The following PRRC2B variants were observed in gnomAD, a reference collection of about 807,000 sequenced individuals.
PRRC2B encodes the protein protein PRRC2B.
Under a neutral mutation model 242.3 loss-of-function variants are expected in PRRC2B, and 68 were observed. That is an observed-to-expected ratio of 0.28 (90% CI 0.23 to 0.34). The LOEUF is 0.34. Among genes scored for constraint, PRRC2B ranks in the 10% least tolerant of loss-of-function variants. The pLI, the probability that PRRC2B is intolerant of heterozygous loss-of-function variation, is 1.00. For synonymous variants in PRRC2B, 1,228 were observed against 1,173.6 expected (o/e 1.05, Z -0.95); for missense variants, 2,835 against 2,954.8 (o/e 0.96, Z 0.94).
intron 19 of PRRC2B, among the ~76,000 whole-genome samples, 160 bp downstream of exon 19, chr9:131,479,553 C>T (rs1231191325): frequency 1.3e-5 from 2 of 152,204 alleles, no homozygotes; most frequent in African/African-American, 2.4e-5. Flanking sequence ...CGCTGAATGC[C>T]GTCTGAGTGA....
At chr9:131,394,361 C>A (rs1177834670) in intron 1 of PRRC2B, 98 bp downstream of exon 1, 1 of 145,874 alleles carries the variant, frequency 6.9e-6, no homozygotes, top group African/African-American at 2.5e-5. Flanking sequence ...CGGCCGCCGC[C>A]GGGGGCCCGG....
rs755818865 is a variant in PRRC2B, at chr9:131,475,164, C to T, written c.3035C>T (p.Thr1012Ile). ...GAGGACAAAGGCCCTGGCCATGCCA[C>T]TTTTGGCCGCGAGGCCACCAAATTT... ...TLEDKGPGHATFGREATKFEE... is the reference protein window; with the variant it reads ...TLEDKGPGHAIFGREATKFEE... Residue 1012 changes from threonine (T) to isoleucine (I), a missense_variant, in exon 16 of 32, where the codon ACT becomes ATT. Coordinates refer to ENST00000683519, the MANE Select transcript of PRRC2B (RefSeq NM_013318.4). 6.4e-5 allele frequency: 104 copies of T among 1,613,222 alleles called. No individual in the cohort carries two copies. Among genetic ancestry groups the T allele is most frequent in the Non-Finnish European group, 8.5e-5 (100 of 1,179,658 alleles).
At chr9:131,394,324 C>T in intron 1 of PRRC2B, 61 bp downstream of exon 1, 1 of 146,396 alleles carries the variant, frequency 6.8e-6, no homozygotes, top group South Asian at 1.9e-4. Context: ...ATGGAGGCGG[C>T]GCGGCCCGGC....
intron 1 of PRRC2B, among the ~76,000 whole-genome samples, chr9:131,411,547 T>C (rs1282574794): frequency 6.6e-6 from 1 of 151,712 alleles, no homozygotes; most frequent in Non-Finnish European, 1.5e-5. Context: ...AGGGTTTCAC[T>C]GTGTTCAGGA....
intron 23 of PRRC2B, 110 bp from the exon 24 acceptor site, chr9:131,484,576 A>T: frequency 1.2e-6 from 1 of 834,860 alleles, no homozygotes; most frequent in Non-Finnish European, 1.9e-6. Context: ...GGCAAGTCAT[A>T]GATACATTTG....
In PRRC2B at chr9:131,465,048, C is replaced by T. The variant is rs751317434; in HGVS notation, c.1690C>T (p.Pro564Ser). 3.1e-6 allele frequency: 5 copies of T among 1,613,588 alleles called. No homozygotes were observed. The highest frequency in any genetic ancestry group is 4.2e-6 in the Non-Finnish European group (5 of 1,179,724). The stretch of plus-strand genomic sequence containing the variant: ...GTCTCCAAGTGCTGAGAAGGCATCT[C>T]CCCAGGAAAACGGCCCTGCTGTCCA... ...PWSPSAEKAS[P>S]QENGPAVHKG... The change falls in exon 12 of 32, where the codon CCC becomes TCC. Residue 564 changes from proline to serine, a missense_variant. Physicochemically the swap from Pro to Ser is moderately conservative, Grantham distance 74. This residue lies in a region of PRRC2B where 1,536 missense variants were observed against 1,483.1 expected (regional missense o/e 1.04). Coordinates refer to ENST00000683519, the MANE Select transcript of PRRC2B (RefSeq NM_013318.4).
At chr9:131,450,199 A>G (rs1942866981) in intron 9 of PRRC2B, among the ~76,000 whole-genome samples, 1 of 152,202 alleles carries the variant, frequency 6.6e-6, no homozygotes, top group African/African-American at 2.4e-5. Flanking sequence ...AGTATTTACA[A>G]AGGGCCTGCG....
rs185427520 is a variant in PRRC2B, at chr9:131,427,990, C to T, written c.-51-2104C>T. Among the ~76,000 whole-genome samples the T allele has an allele frequency of 7.0e-4, 106 of 152,272 alleles. 2 individuals carry two copies. Among genetic ancestry groups the T allele is most frequent in the South Asian group, 5.0e-3 (24 of 4,826 alleles). ...AGGCTGGAGTGCAATGGCACAATCT[C>T]GGCTCACTGCAACCTCTGCCTCCTG... On this transcript the variant is annotated intron_variant, in intron 1 of 31. Transcript: ENST00000683519.
intron 5 of PRRC2B, among the ~76,000 whole-genome samples, chr9:131,441,137 T>A (rs1286458259): frequency 1.3e-5 from 2 of 151,942 alleles, no homozygotes; most frequent in African/African-American, 4.8e-5. Flanking sequence ...TGAGAAAAAA[T>A]ACACTTCTAA....
At chr9:131,390,268 C>T (rs1836882583), upstream of PRRC2B, among the ~76,000 whole-genome samples, 1 of 149,744 alleles carries the variant, frequency 6.7e-6, no homozygotes, top group Non-Finnish European at 1.5e-5. Context: ...ACAGCATGGC[C>T]CCAGAGCCTG....
Position 131,430,510 on chromosome 9 carries a change from TATAG to T in PRRC2B, c.115+267_115+270del, listed in dbSNP as rs57445338. ...CTGGGGAGATATATCTATAGATATCTATAGATAGATAGATAGATATCTATCTATA... is the reference window on the plus strand; with the variant it reads ...CTGGGGAGATATATCTATAGATATCTATAGATAGATAGATATCTATCTATA... On this transcript the variant is annotated intron_variant, in intron 2 of 31. Coordinates refer to ENST00000683519, the MANE Select transcript of PRRC2B (RefSeq NM_013318.4). Among the ~76,000 whole-genome samples the T allele has an allele frequency of 1.5e-3, 219 of 145,536 alleles. 2 individuals are homozygous for T. Among genetic ancestry groups the T allele is most frequent in the African/African-American group, 4.4e-3 (172 of 38,898 alleles).
At chr9:131,465,511 C>T (rs1943370777) in intron 12 of PRRC2B, among the ~76,000 whole-genome samples, 1 of 152,152 alleles carries the variant, frequency 6.6e-6, no homozygotes, top group African/African-American at 2.4e-5. Context: ...GAGGGGTGTA[C>T]AGCACGCTCC....
chr9:131,391,704 A>G (rs1228214754), upstream of PRRC2B, among the ~76,000 whole-genome samples: 1 of 152,174 alleles, frequency 6.6e-6, no homozygotes. Context: ...GTCACATAGT[A>G]AGTGCTCAGT....
Position 131,483,456 on chromosome 9 carries a change from A to G in PRRC2B, c.5460+11A>G, listed in dbSNP as rs763571067. ...GCCTTGGCCAGTAATGTAAGTCCAC[A>G]CTTCCACTTTTGGCTCCACTCACTG... On this transcript the variant is annotated intron_variant, in intron 23 of 31. Coordinates refer to ENST00000683519, the MANE Select transcript of PRRC2B (RefSeq NM_013318.4). 52 of 1,612,634 alleles carry G rather than the reference A, an allele frequency of 3.2e-5. No homozygotes were observed. The highest frequency in any genetic ancestry group is 4.4e-5 in the Non-Finnish European group (52 of 1,179,060).
At chr9:131,393,234 G>T (rs757960728), upstream of PRRC2B, among the ~76,000 whole-genome samples, 1 of 152,246 alleles carries the variant, frequency 6.6e-6, no homozygotes, top group Non-Finnish European at 1.5e-5. Flanking sequence ...ATAGGGCATG[G>T]CCCGCAGCTG....
Position 131,473,555 on chromosome 9 carries a change from T to C in PRRC2B, c.2155T>C (p.Cys719Arg), listed in dbSNP as rs775998702. 1.9e-6 allele frequency: 3 copies of C among 1,610,238 alleles called. No homozygotes were observed. Among genetic ancestry groups the C allele is most frequent in the South Asian group, 1.1e-5 (1 of 90,138 alleles). ...MPQESLNGTG[C>R]RSEDQNCVPP... The stretch of plus-strand genomic sequence containing the variant: ...CCAGGAGTCCCTCAATGGGACAGGC[T>C]GTCGCTCTGAGGATCAGAACTGTGT... The change falls in exon 15 of 32, where the codon TGT becomes CGT. Residue 719 changes from cysteine to arginine, a missense_variant. Transcript: ENST00000683519.
At chr9:131,374,304 C>CT (rs766636662) in intron 1 of PRRC2B, among the ~76,000 whole-genome samples, 2 of 152,024 alleles carry the variant, frequency 1.3e-5, no homozygotes, top group Non-Finnish European at 2.9e-5. Context: ...AGCGGAGACT[C>CT]TGTCTCAAAA....
intron 1 of PRRC2B, among the ~76,000 whole-genome samples, chr9:131,410,890 A>G (rs963665973): frequency 2.6e-5 from 4 of 151,382 alleles, no homozygotes; most frequent in African/African-American, 9.7e-5. Flanking sequence ...TGATTTCTTA[A>G]CTTGGATGCT....
In PRRC2B at chr9:131,476,103, T is replaced by C. The variant is rs1390013165; in HGVS notation, c.3974T>C (p.Leu1325Pro). 4 of 1,609,718 alleles carry C rather than the reference T, an allele frequency of 2.5e-6. No individual in the cohort carries two copies. The highest frequency in any genetic ancestry group is 3.3e-5 in the Admixed American group (2 of 59,876). The part of the protein sequence containing the change: ...RLRQERESLG[L>P]WGPEEEPHLL... ...CGGCAAGAGCGGGAGTCCCTGGGCC[T>C]GTGGGGACCCGAGGAGGAGCCCCAC... The change falls in exon 16 of 32, where the codon CTG (leucine) becomes CCG (proline). Residue 1325 changes from leucine to proline, a missense_variant. Around this residue, in one of 7 missense-constraint regions of PRRC2B, gnomAD observed 1,536 missense variants for 1,483.1 expected, o/e 1.04. Coordinates refer to ENST00000683519, the MANE Select transcript of PRRC2B (RefSeq NM_013318.4).
Sources: gnomAD v4.1 joint callset for allele counts (sites outside exome capture counted in the v4.1 genomes callset) on GRCh38, gnomAD v4.1.1 for gene constraint, gnomAD v4.1.1 regional missense constraint, MANE v1.5 for transcripts, NCBI Gene and HGNC (gene_info 2026-07-23, HGNC 2026-07-21) for gene names.